Variants in MYO1D observed in about 807,000 individuals in gnomAD.
MYO1D encodes the protein unconventional myosin-Id.
Under a neutral mutation model 122.0 loss-of-function variants are expected in MYO1D, and 83 were observed. The observed-to-expected ratio is 0.68, with a 90% CI of 0.57 to 0.82. MYO1D has a LOEUF of 0.82. MYO1D is among the 40% of genes least tolerant of loss of function. The pLI, the probability that MYO1D is intolerant of heterozygous loss-of-function variation, is 0.00. For synonymous variants in MYO1D, 464 were observed against 446.9 expected, an observed-to-expected ratio of 1.04 and a Z score of -0.48; for missense variants, 1,157 against 1,269.5, an observed-to-expected ratio of 0.91 and a Z score of 1.35.
intron 1 of MYO1D, among the ~76,000 whole-genome samples, chr17:32,857,639 C>T (rs1382272419): frequency 6.6e-6 from 1 of 152,098 alleles, no homozygotes; most frequent in Middle Eastern, 3.4e-3. Context: ...GTCTTCTCAC[C>T]GTCCCTGAAC....
chr17:32,656,560 C>T (rs889734609), intron 17 of MYO1D, among the ~76,000 whole-genome samples: 1 of 152,202 alleles, frequency 6.6e-6, no homozygotes, highest in African/African-American at 2.4e-5. Flanking sequence ...TGGCTGGCTG[C>T]AGTGAGGCAG....
intron 16 of MYO1D, among the ~76,000 whole-genome samples, chr17:32,702,206 C>T (rs144916201): frequency 7.5e-4 from 114 of 152,306 alleles, no homozygotes; most frequent in African/African-American, 2.7e-3. Flanking sequence ...TATTTCCTTT[C>T]CCACTATTAT....
chr17:32,633,588 C>A lies in MYO1D; in HGVS notation c.2709+5134G>T, dbSNP rs1462311268. On this transcript the variant is annotated intron_variant, in intron 20 of 21. Transcript: ENST00000318217. ...TTTTATTAGGGTATAACATGCATGC[C>A]CTAGAGTGCACAAATCTCAAGTAAA... is the stretch of plus-strand genomic sequence containing the variant. Among the ~76,000 whole-genome samples, 3 of 151,868 alleles carry A rather than the reference C, an allele frequency of 2.0e-5. No individual in the cohort carries two copies. In the East Asian group the frequency reaches 5.8e-4, roughly 29 times the overall value.
At chr17:32,664,394 C>G (rs934684667) in intron 16 of MYO1D, among the ~76,000 whole-genome samples, 3 of 152,180 alleles carry the variant, frequency 2.0e-5, no homozygotes, top group Non-Finnish European at 4.4e-5. Flanking sequence ...TTGTAAAGGA[C>G]TGTGCCTGAT....
chr17:32,598,190 A>G (rs533632975), intron 21 of MYO1D, among the ~76,000 whole-genome samples: 438 of 152,288 alleles, frequency 2.9e-3, no homozygotes, highest in Admixed American at 5.2e-3. Flanking sequence ...CCTGGCCAAC[A>G]TGGCCAAATC....
chr17:32,659,039 G>C, intron 17 of MYO1D, 76 bp downstream of exon 17: 1 of 1,315,502 alleles, frequency 7.6e-7, no homozygotes, highest in Non-Finnish European at 1.1e-6. Context: ...CAATATCACG[G>C]TCTCAGACTT....
intron 14 of MYO1D, among the ~76,000 whole-genome samples, chr17:32,732,553 G>A (rs760326727): frequency 3.9e-5 from 6 of 152,224 alleles, no homozygotes; most frequent in Admixed American, 6.5e-5. Flanking sequence ...CCTCTATGCT[G>A]AGAGATGAGT....
chr17:32,629,896 GT>G (rs1386970737), intron 20 of MYO1D, among the ~76,000 whole-genome samples: 1 of 152,168 alleles, frequency 6.6e-6, no homozygotes, highest in African/African-American at 2.4e-5. Context: ...AGGAGTACAG[GT>G]TAACAATTCT....
intron 21 of MYO1D, chr17:32,531,180 G>T (rs756940161): frequency 6.6e-6 from 1 of 152,222 alleles, no homozygotes; most frequent in South Asian, 2.1e-4. Flanking sequence ...AGAGACTTCC[G>T]TTGGGATTCA....
intron 21 of MYO1D, among the ~76,000 whole-genome samples, chr17:32,546,542 G>T (rs1352789829): frequency 6.6e-6 from 1 of 152,238 alleles, no homozygotes; most frequent in Non-Finnish European, 1.5e-5. Context: ...TGTGCCGGTT[G>T]TCTTTTTAAT....
intron 14 of MYO1D, among the ~76,000 whole-genome samples, chr17:32,735,523 G>A (rs2089691875): frequency 6.6e-6 from 1 of 152,104 alleles, no homozygotes; most frequent in African/African-American, 2.4e-5. Context: ...CCTATTCTCT[G>A]GGTACAGGGT....
At chr17:32,803,016 A>G (rs2090473303) in intron 1 of MYO1D, among the ~76,000 whole-genome samples, 1 of 152,220 alleles carries the variant, frequency 6.6e-6, no homozygotes, top group Non-Finnish European at 1.5e-5. Context: ...GTGGAAAAGG[A>G]AAGAAGTCAG....
chr17:32,579,115 C>A lies in MYO1D; in HGVS notation c.2864+25972G>T, dbSNP rs114048662. The stretch of plus-strand genomic sequence containing the variant: ...ATAGGGTCTTGCTCTGTCACCCAGG[C>A]GAGAGTGCGGTGGAATGGTCACAGC... On this transcript the variant is annotated intron_variant, in intron 21 of 21. Transcript: ENST00000318217. Among the ~76,000 whole-genome samples the A allele has an allele frequency of 8.9e-3, 1,356 of 152,190 alleles. 25 individuals carry two copies. Among genetic ancestry groups the A allele is most frequent in the African/African-American group, 0.031 (1,288 of 41,498 alleles).
chr17:32,684,638 C>T (rs1326401195), intron 16 of MYO1D, among the ~76,000 whole-genome samples: 2 of 152,154 alleles, frequency 1.3e-5, no homozygotes, highest in Admixed American at 6.5e-5. Flanking sequence ...CATCCTATTA[C>T]ACAACTGTGA....
intron 16 of MYO1D, among the ~76,000 whole-genome samples, chr17:32,698,337 C>T (rs1046218568): frequency 5.4e-5 from 6 of 110,156 alleles, no homozygotes; most frequent in Admixed American, 4.7e-4. Flanking sequence ...TTCTTTCCTT[C>T]CTTCCTCCCT....
intron 13 of MYO1D, among the ~76,000 whole-genome samples, chr17:32,743,658 C>T (rs1342430518): frequency 6.6e-6 from 1 of 151,520 alleles, no homozygotes; most frequent in Non-Finnish European, 1.5e-5. Flanking sequence ...CACTCTGTCG[C>T]CCAGGCTGGA....
Position 32,654,588 on chromosome 17 carries a change from C to T in MYO1D, c.2379G>A (p.Pro793=), listed in dbSNP as rs773346958. 9.3e-6 allele frequency: 15 copies of T among 1,613,096 alleles called. No individual in the cohort carries two copies. The highest frequency in any genetic ancestry group is 3.3e-5 in the Admixed American group (2 of 59,810). ...WRASQLIKSI[P]ASDLPQVRAK... is the part of the protein sequence containing the mutation. ...CCCTGACCTGGGGCAGGTCTGAGGCCGGAATGCTCTTGATGAGCTGGGATG... is the reference window on the plus strand; with the variant it reads ...CCCTGACCTGGGGCAGGTCTGAGGCTGGAATGCTCTTGATGAGCTGGGATG... The change falls in exon 18 of 22, where the codon CCG becomes CCA. Residue 793 remains proline (P), a synonymous_variant. Coordinates refer to ENST00000318217, the MANE Select transcript of MYO1D (RefSeq NM_015194.3).
chr17:32,498,250 G>A (rs537371833), intron 21 of MYO1D: 1 of 152,428 alleles, frequency 6.6e-6, no homozygotes, highest in Non-Finnish European at 1.5e-5. Flanking sequence ...ACAAAAATCA[G>A]TGACACTTCA....
In MYO1D at chr17:32,752,186, G is replaced by A. The variant is rs149237630; in HGVS notation, c.1468-3180C>T. Reference sequence around the variant, plus strand: ...AAAATAAACAATGGAGAAAGCATACGCTATTCACTAAGTGGTACTGGGAAA... The same window carrying A: ...AAAATAAACAATGGAGAAAGCATACACTATTCACTAAGTGGTACTGGGAAA... On this transcript the variant is annotated intron_variant, in intron 11 of 21. Coordinates refer to ENST00000318217, the MANE Select transcript of MYO1D (RefSeq NM_015194.3). Among the ~76,000 whole-genome samples, 1,132 of 152,160 alleles carry A rather than the reference G, an allele frequency of 7.4e-3. 20 individuals carry two copies. The highest frequency in any genetic ancestry group is 0.026 in the African/African-American group (1,080 of 41,536).
Sources: gnomAD v4.1 joint callset for allele counts (sites outside exome capture counted in the v4.1 genomes callset) on GRCh38, gnomAD v4.1.1 for gene constraint, MANE v1.5 for transcripts, NCBI Gene and HGNC (gene_info 2026-07-23, HGNC 2026-07-21) for gene names.